Variants in TTC29 observed in about 807,000 individuals in gnomAD.
TTC29 encodes tetratricopeptide repeat domain 29, also known as tetratricopeptide repeat protein 29.
A neutral mutation model predicts 58.1 loss-of-function variants in TTC29; 49 were observed. The ratio of observed to expected loss-of-function variants is 0.84; its 90% CI spans 0.67 to 1.07. The LOEUF (loss-of-function observed/expected upper bound fraction) is 1.07, where lower values mean the gene tolerates loss of function less well. Among genes scored for constraint, TTC29 ranks in the 50% least tolerant of loss-of-function variants. The pLI, the probability that TTC29 is intolerant of heterozygous loss-of-function variation, is 0.00. For synonymous variants in TTC29, 209 were observed against 196.8 expected (o/e 1.06, Z -0.52); for missense variants, 582 against 555.6 (o/e 1.05, Z -0.48).
At chr4:146,776,765 A>G (rs749707478) in intron 11 of TTC29, among the ~76,000 whole-genome samples, 1 of 152,230 alleles carries the variant, frequency 6.6e-6, no homozygotes, top group Non-Finnish European at 1.5e-5. Context: ...GGGTGCATAC[A>G]CATTGGCTGG....
At chr4:146,815,282 A>G (rs1751324389) in intron 10 of TTC29, among the ~76,000 whole-genome samples, 1 of 152,022 alleles carries the variant, frequency 6.6e-6, no homozygotes, top group African/African-American at 2.4e-5. Context: ...TTCGAGATAT[A>G]TATTTGGTAA....
chr4:146,752,481 G>A lies in TTC29; in HGVS notation c.1331-44930C>T, dbSNP rs577487108. ...AGTGAAAATGGCCATACTGCCCCAG[G>A]TAATTTATAGATTCAGTGCCATCCC... On this transcript the variant is annotated intron_variant, in intron 11 of 12. Coordinates refer to ENST00000325106, the MANE Select transcript of TTC29 (RefSeq NM_031956.4). Among the ~76,000 whole-genome samples the A allele has an allele frequency of 1.2e-3, 187 of 151,842 alleles. 1 individual carries two copies. The Middle Eastern group carries it at 0.014, about 11-fold the overall frequency.
At chr4:146,868,218 G>A (rs1390856939) in intron 7 of TTC29, among the ~76,000 whole-genome samples, 2 of 152,228 alleles carry the variant, frequency 1.3e-5, no homozygotes, top group Non-Finnish European at 2.9e-5. Context: ...TCTGGGGACT[G>A]TTGTGGGGTG....
In TTC29 at chr4:146,772,341, T is replaced by C. The variant is rs541544824; in HGVS notation, c.1330+31116A>G. Among the ~76,000 whole-genome samples the C allele has an allele frequency of 2.0e-5, 3 of 152,298 alleles. No individual in the cohort carries two copies. In the South Asian group the frequency reaches 6.2e-4, roughly 32 times the overall value. ...TCTTTGCCAGGTCCTATGTCCAGAA[T>C]GGTATTTCCTAGGTTATCTTGCAGA... On this transcript the variant is annotated intron_variant, in intron 11 of 12. Coordinates refer to ENST00000325106, the MANE Select transcript of TTC29 (RefSeq NM_031956.4).
At chr4:146,749,051 C>T (rs150220014) in intron 11 of TTC29, among the ~76,000 whole-genome samples, 36 of 152,092 alleles carry the variant, frequency 2.4e-4, no homozygotes, top group African/African-American at 7.7e-4. Flanking sequence ...GATGTGGTGG[C>T]TCATGCCTGT....
intron 8 of TTC29, among the ~76,000 whole-genome samples, chr4:146,853,286 T>C (rs1319880918): frequency 6.6e-6 from 1 of 152,076 alleles, no homozygotes; most frequent in Non-Finnish European, 1.5e-5. Context: ...CCAAAAACAG[T>C]TTGGTAGTTC....
At chr4:146,832,576 A>G (rs903929531) in intron 9 of TTC29, among the ~76,000 whole-genome samples, 1 of 151,986 alleles carries the variant, frequency 6.6e-6, no homozygotes, top group African/African-American at 2.4e-5. Context: ...GGTTCAAGTG[A>G]TTCTCCTGCC....
At chr4:146,747,490 C>T (rs139535122) in intron 11 of TTC29, among the ~76,000 whole-genome samples, 1 of 152,176 alleles carries the variant, frequency 6.6e-6, no homozygotes, top group Non-Finnish European at 1.5e-5. Context: ...GGTGCACCCT[C>T]CACATAGGGT....
At chr4:146,942,804 G>GC in intron 2 of TTC29, 1 of 518,700 alleles carries the variant, frequency 1.9e-6, no homozygotes, top group Non-Finnish European at 3.4e-6. Flanking sequence ...AAAGCATTAT[G>GC]CAGTGGGCAC....
chr4:146,833,651 G>T (rs1026381735), intron 9 of TTC29, among the ~76,000 whole-genome samples, 155 bp downstream of exon 9: 13 of 152,104 alleles, frequency 8.5e-5, no homozygotes, highest in African/African-American at 3.1e-4. Flanking sequence ...CTACCAAACT[G>T]GTTTAAAATA....
Position 146,754,162 on chromosome 4 carries a change from A to G in TTC29, c.1331-46611T>C, listed in dbSNP as rs1746250689. Among the ~76,000 whole-genome samples the G allele has an allele frequency of 2.0e-5, 3 of 151,930 alleles. No homozygotes were observed. In the South Asian group the frequency reaches 6.2e-4, roughly 32 times the overall value. The stretch of plus-strand genomic sequence containing the variant: ...TTTAAAAAAAAAGAAATTATAACAG[A>G]TGCCTCAGAAATAAAAAGGATCATA... On this transcript the variant is annotated intron_variant, in intron 11 of 12. Transcript: ENST00000325106.
At chr4:146,849,602 T>C (rs1316025483) in intron 8 of TTC29, among the ~76,000 whole-genome samples, 1 of 152,082 alleles carries the variant, frequency 6.6e-6, no homozygotes, top group East Asian at 1.9e-4. Context: ...TGATTAGAGG[T>C]AATAATAGCC....
chr4:146,896,606 A>T (rs1401068301), intron 6 of TTC29, among the ~76,000 whole-genome samples: 1 of 152,218 alleles, frequency 6.6e-6, no homozygotes, highest in African/African-American at 2.4e-5. Context: ...ACAAGAAAGC[A>T]TTCTTAAAAT....
chr4:146,734,450 T>G (rs1744574542), intron 11 of TTC29, among the ~76,000 whole-genome samples: 1 of 152,104 alleles, frequency 6.6e-6, no homozygotes, highest in Non-Finnish European at 1.5e-5. Context: ...TTCCCTGAGT[T>G]CTGTGAGCCA....
chr4:146,820,422 T>G (rs1165137049), intron 9 of TTC29, among the ~76,000 whole-genome samples, 174 bp from the exon 10 acceptor site: 4 of 152,210 alleles, frequency 2.6e-5, no homozygotes, highest in Non-Finnish European at 4.4e-5. Context: ...GAGCACACAT[T>G]GAGTTAAAAC....
chr4:146,870,002 A>G (rs72733721), intron 7 of TTC29, among the ~76,000 whole-genome samples: 1 of 152,206 alleles, frequency 6.6e-6, no homozygotes, highest in Non-Finnish European at 1.5e-5. Context: ...GAGAGAGAAA[A>G]TAAATAATAA....
intron 11 of TTC29, among the ~76,000 whole-genome samples, chr4:146,782,723 A>G (rs1374823314): frequency 6.6e-6 from 1 of 152,042 alleles, no homozygotes; most frequent in Non-Finnish European, 1.5e-5. Context: ...CCTATAATAC[A>G]AGGAGATATA....
chr4:146,779,004 G>GAAAAAAAAAAAAAAAAAAAAA (rs71592470), intron 11 of TTC29, among the ~76,000 whole-genome samples: 1 of 79,896 alleles, frequency 1.3e-5, no homozygotes, highest in Non-Finnish European at 2.4e-5. Context: ...AAAAAAAAAA[G>GAAAAAAAAAAAAAAAAAAAAA]AAAAGAAAAG....
chr4:146,940,722 T>C (rs990665899), intron 2 of TTC29, among the ~76,000 whole-genome samples: 1 of 152,204 alleles, frequency 6.6e-6, no homozygotes, highest in Non-Finnish European at 1.5e-5. Context: ...GGTCTCCTCA[T>C]GTGGCATGGA....
Sources: gnomAD v4.1 joint callset for allele counts (sites outside exome capture counted in the v4.1 genomes callset) on GRCh38, gnomAD v4.1.1 for gene constraint, MANE v1.5 for transcripts, NCBI Gene and HGNC (gene_info 2026-07-23, HGNC 2026-07-21) for gene names.